The following DGKE variants were observed in gnomAD, a reference collection of about 807,000 sequenced individuals.
DGKE encodes DAG kinase epsilon.
In DGKE, 53 loss-of-function variants were observed where a neutral mutation model predicts 70.0. That is an observed-to-expected ratio of 0.76 (90% CI 0.61 to 0.95). DGKE has a LOEUF of 0.95. Ranked by LOEUF, DGKE falls within the 40% of genes least tolerant of loss-of-function variation. DGKE has a pLI of 0.00. For synonymous variants in DGKE, 291 were observed against 257.0 expected (o/e 1.13, Z -1.27); for missense variants, 655 against 706.9 (o/e 0.93, Z 0.83).
rs141879450 is a variant in DGKE at position 56,852,337 on chromosome 17, C to T, written c.1098+3105C>T. Among the ~76,000 whole-genome samples, 267 of 151,382 alleles carry T rather than the reference C, an allele frequency of 1.8e-3. 1 individual carries two copies. The highest frequency in any genetic ancestry group is 6.1e-3 in the African/African-American group (253 of 41,252). On this transcript the variant is annotated intron_variant, in intron 7 of 11. Transcript: ENST00000284061. ...CTGAGGCAGGAGAATTGCTTGAACC[C>T]GAGAGGCAGAGGGTGCAGTGAGCCA...
chr17:56,845,259 C>G (rs550932815), intron 3 of DGKE, among the ~76,000 whole-genome samples: 1 of 152,100 alleles, frequency 6.6e-6, no homozygotes, highest in South Asian at 2.1e-4. Flanking sequence ...GCAAAACACA[C>G]CAGAATACAT....
chr17:56,843,899 A>G, intron 2 of DGKE, 120 bp from the exon 3 acceptor site: 6 of 966,800 alleles, frequency 6.2e-6, no homozygotes, highest in Non-Finnish European at 8.7e-6. Context: ...TTATTTGCCA[A>G]ATGTTATGGT....
chr17:56,853,609 T>C (rs757085357), intron 7 of DGKE, among the ~76,000 whole-genome samples: 9 of 152,220 alleles, frequency 5.9e-5, no homozygotes, highest in Non-Finnish European at 1.2e-4. Context: ...CAGTTGGCCA[T>C]AGATATGTGT....
intron 6 of DGKE, 150 bp downstream of exon 6, chr17:56,849,003 A>C: frequency 7.7e-7 from 1 of 1,299,020 alleles, no homozygotes; most frequent in East Asian, 2.5e-5. Flanking sequence ...GTTTTGTTTT[A>C]TTATGTAAGA....
At chr17:56,855,969 G>C (rs1035020405) in intron 7 of DGKE, among the ~76,000 whole-genome samples, 3 of 145,188 alleles carry the variant, frequency 2.1e-5, no homozygotes, top group Admixed American at 7.2e-5. Context: ...TCGCGCCACT[G>C]CATTCCAGCC....
intron 2 of DGKE, among the ~76,000 whole-genome samples, chr17:56,837,342 T>C (rs890505153): frequency 6.6e-6 from 1 of 152,172 alleles, no homozygotes; most frequent in Admixed American, 6.5e-5. Flanking sequence ...ACTGCTATAT[T>C]TACATATCTT....
intron 7 of DGKE, 116 bp downstream of exon 7, chr17:56,849,348 G>C: frequency 2.2e-6 from 2 of 889,914 alleles, no homozygotes; most frequent in East Asian, 4.9e-5. Flanking sequence ...CTGTGGAGCA[G>C]AACAGAAGCT....
At chr17:56,862,424 A>G in intron 11 of DGKE, 173 bp downstream of exon 11, 2 of 853,056 alleles carry the variant, frequency 2.3e-6, no homozygotes, top group Non-Finnish European at 3.5e-6. Context: ...ACATGGCTCA[A>G]GATCCATGAG....
At chr17:56,849,637 A>G (rs1246216114) in intron 7 of DGKE, among the ~76,000 whole-genome samples, 2 of 152,264 alleles carry the variant, frequency 1.3e-5, no homozygotes, top group African/African-American at 4.8e-5. Context: ...AGGTAGAATC[A>G]GGATGAGGAC....
rs970785170 is a variant in DGKE, at chr17:56,844,047, G to C, written c.493G>C (p.Asp165His). ...RCIWCQKTVHDECMKNSLKNE... is the reference protein window; with the variant it reads ...RCIWCQKTVHHECMKNSLKNE... ...CATTTGGTGCCAGAAAACAGTACAT[G>C]ATGAGTGCATGAAAAATAGTTTAAA... is the stretch of plus-strand genomic sequence containing the variant. Residue 165 changes from aspartate (D) to histidine (H), a missense_variant, in exon 3 of 12, where the codon GAT (aspartate) becomes CAT (histidine). Physicochemically the swap from Asp to His is moderately conservative, Grantham distance 81 (BLOSUM62 -1). Transcript: ENST00000284061. 5 of 1,568,832 alleles carry C rather than the reference G, an allele frequency of 3.2e-6. No homozygotes were observed. Among genetic ancestry groups the C allele is most frequent in the South Asian group, 2.4e-5 (2 of 82,918 alleles).
At chr17:56,848,606 T>TA in intron 5 of DGKE, 90 bp from the exon 6 acceptor site, 1 of 1,280,818 alleles carries the variant, frequency 7.8e-7, no homozygotes, top group Non-Finnish European at 1.1e-6. Context: ...TTTGTATCCT[T>TA]ACTGTTTTGG....
intron 7 of DGKE, 76 bp from the exon 8 acceptor site, chr17:56,856,436 C>G: frequency 6.9e-7 from 1 of 1,456,562 alleles, no homozygotes; most frequent in African/African-American, 1.4e-5. Flanking sequence ...AACACAAAGA[C>G]TAAGATTGAC....
chr17:56,856,760 G>A (rs1907974422), intron 8 of DGKE, 135 bp downstream of exon 8: 1 of 1,177,784 alleles, frequency 8.5e-7, no homozygotes, highest in African/African-American at 1.6e-5. Context: ...TTTTGTGTAG[G>A]GTTGTCAAAT....
rs1908555672 is a variant in DGKE at position 56,867,183 on chromosome 17, G to A, written c.*4392G>A. On this transcript the variant is annotated 3_prime_UTR_variant, in exon 12 of 12. Transcript: ENST00000284061. ...CAGAAAGGTACATTCCAGGGTTCTG[G>A]GGAAAGAATTTTAAAATGCCATCCT... The A allele has an allele frequency of 6.6e-6, 1 of 152,174 alleles. No individual in the cohort carries two copies. The highest frequency in any genetic ancestry group is 2.4e-5 in the African/African-American group (1 of 41,430). The allele number at this position is 152,174 out of a possible 1,614,324, so 9.4% of individuals were successfully genotyped here.
chr17:56,850,280 A>G (rs1367429405), intron 7 of DGKE, among the ~76,000 whole-genome samples: 2 of 151,880 alleles, frequency 1.3e-5, no homozygotes, highest in African/African-American at 4.8e-5. Flanking sequence ...ATGTGCCACC[A>G]TGCCCAGATA....
chr17:56,835,388 A>G (rs977825208), intron 2 of DGKE, 129 bp downstream of exon 2: 1 of 970,902 alleles, frequency 1.0e-6, no homozygotes, highest in Non-Finnish European at 1.5e-6. Context: ...AAGCTAATAA[A>G]TAAACATCCC....
intron 2 of DGKE, chr17:56,836,231 CTTTCA>C (rs1381412539): frequency 3.9e-5 from 6 of 151,920 alleles, no homozygotes; most frequent in Non-Finnish European, 8.8e-5. Context: ...TGCAGAAATT[CTTTCA>C]TTAGCATGAA....
intron 7 of DGKE, among the ~76,000 whole-genome samples, chr17:56,852,394 C>T (rs1219694665): frequency 2.2e-5 from 3 of 138,948 alleles, no homozygotes; most frequent in Non-Finnish European, 4.6e-5. Flanking sequence ...CCCTGGGCGA[C>T]AGAGCAAGAC....
intron 2 of DGKE, among the ~76,000 whole-genome samples, chr17:56,839,981 A>G (rs940904657): frequency 2.6e-5 from 4 of 152,076 alleles, no homozygotes; most frequent in African/African-American, 7.2e-5. Context: ...CCTGACCAAT[A>G]TGGAGAAACC....
Sources: gnomAD v4.1 joint callset for allele counts (sites outside exome capture counted in the v4.1 genomes callset) on GRCh38, gnomAD v4.1.1 for gene constraint, MANE v1.5 for transcripts, NCBI Gene and HGNC (gene_info 2026-07-23, HGNC 2026-07-21) for gene names.